FGFR1OP2: variants seen among roughly 807,000 people sequenced by gnomAD.
FGFR1OP2 encodes the protein FGFR1 oncogene partner 2, also known as fibroblast growth factor receptor 1 oncogene partner 2.
In FGFR1OP2, 17 loss-of-function variants were observed where a neutral mutation model predicts 35.2. The observed-to-expected ratio is 0.48, with a 90% confidence interval of 0.33 to 0.73. FGFR1OP2 has a LOEUF of 0.73. Among genes scored for constraint, FGFR1OP2 ranks in the 30% least tolerant of loss-of-function variants. The pLI, the probability that FGFR1OP2 is intolerant of heterozygous loss-of-function variation, is 0.02. For missense variants in FGFR1OP2, 251 were observed against 307.3 expected (o/e 0.82, Z 1.37); for synonymous variants, 105 against 104.6 (o/e 1.00, Z -0.03).
chr12:26,956,862 C>G (rs951203927), intron 3 of FGFR1OP2, among the ~76,000 whole-genome samples: 16 of 152,090 alleles, frequency 1.1e-4, no homozygotes, highest in Non-Finnish European at 2.4e-4. Context: ...ACTGCATTGG[C>G]CCCCAGATTA....
intron 1 of FGFR1OP2, among the ~76,000 whole-genome samples, chr12:26,950,210 G>GTTCT (rs1555211390): frequency 3.4e-5 from 1 of 29,744 alleles, no homozygotes; most frequent in Non-Finnish European, 5.7e-5. Context: ...TAATGTATTC[G>GTTCT]TTGTTTTTTT....
intron 2 of FGFR1OP2, among the ~76,000 whole-genome samples, chr12:26,955,328 T>C (rs12581929): frequency 0.061 from 9,230 of 152,330 alleles, 435 homozygotes; most frequent in East Asian, 0.2. Flanking sequence ...GTACATGTTC[T>C]ATTAAGATAT....
rs1220384385 is a variant in FGFR1OP2, at chr12:26,954,246, A to C, written c.88A>C (p.Ile30Leu). 1.9e-6 allele frequency: 3 copies of C among 1,612,418 alleles called. No homozygotes were observed. The highest frequency in any genetic ancestry group is 1.7e-5 in the Admixed American group (1 of 59,932). Reference protein sequence around the residue: ...RDHDDAAESLIEQTTALNKRV... With the variant: ...RDHDDAAESLLEQTTALNKRV... ...TCATGACGATGCAGCAGAATCTCTG[A>C]TTGAGCAAACCACAGCTCTCAACAA... is the stretch of plus-strand genomic sequence containing the variant. The change falls in exon 2 of 7, where the codon ATT becomes CTT. Residue 30 changes from isoleucine to leucine, a missense_variant. By Grantham distance (5) the Ile-to-Leu change is conservative. Transcript: ENST00000229395.
At chr12:26,956,376 T>A (rs1194340014) in intron 2 of FGFR1OP2, among the ~76,000 whole-genome samples, 167 bp from the exon 3 acceptor site, 1 of 151,610 alleles carries the variant, frequency 6.6e-6, no homozygotes, top group Non-Finnish European at 1.5e-5. Context: ...TGGGGTTATT[T>A]TCATTTTATT....
At chr12:26,962,725 T>C (rs1256943936) in intron 5 of FGFR1OP2, 1 of 152,254 alleles carries the variant, frequency 6.6e-6, no homozygotes, top group Admixed American at 6.5e-5. Flanking sequence ...ATGTCTGTAT[T>C]ATACTGATAC....
At chr12:26,959,025 TA>T (rs1592253351) in intron 4 of FGFR1OP2, among the ~76,000 whole-genome samples, 1 of 152,258 alleles carries the variant, frequency 6.6e-6, no homozygotes, top group East Asian at 1.9e-4. Flanking sequence ...TTCTTTAAAA[TA>T]CTTCTTCCAT....
chr12:26,962,172 T>A lies in FGFR1OP2; in HGVS notation c.511-1170T>A, dbSNP rs554754399. 7 of 152,350 alleles carry A rather than the reference T, an allele frequency of 4.6e-5. No homozygotes were observed. The East Asian group carries it at 1.3e-3, about 29-fold the overall frequency. 9.4% of individuals were successfully genotyped at this position (152,350 alleles called of 1,614,324 possible). ...TATTGATTTTAATTAAGTTTAACAT[T>A]GTTTTGGACAGCACAGATTAGCCTT... On this transcript the variant is annotated intron_variant, in intron 5 of 6. Coordinates refer to ENST00000229395, the MANE Select transcript of FGFR1OP2 (RefSeq NM_015633.3).
At chr12:26,960,483 C>T (rs766871807) in intron 4 of FGFR1OP2, 32 bp from the exon 5 acceptor site, 9 of 1,445,800 alleles carry the variant, frequency 6.2e-6, no homozygotes, top group East Asian at 2.3e-5. Flanking sequence ...GGATGATATC[C>T]GTATTAACAT....
intron 2 of FGFR1OP2, among the ~76,000 whole-genome samples, chr12:26,954,508 A>T (rs975252085): frequency 2.0e-5 from 3 of 152,208 alleles, no homozygotes; most frequent in Non-Finnish European, 4.4e-5. Context: ...TATTTTGCTG[A>T]CAGAGTTGCA....
intron 5 of FGFR1OP2, 37 bp downstream of exon 5, chr12:26,960,665 T>C (rs1404708389): frequency 1.3e-6 from 2 of 1,580,646 alleles, no homozygotes; most frequent in African/African-American, 1.3e-5. Context: ...GGGGTGTGGA[T>C]GGAAGGGGGG....
intron 1 of FGFR1OP2, among the ~76,000 whole-genome samples, chr12:26,947,628 G>A (rs906268079): frequency 5.3e-5 from 8 of 152,138 alleles, no homozygotes; most frequent in East Asian, 3.9e-4. Context: ...GCAATCCTCC[G>A]ATTTTGGCCT....
intron 1 of FGFR1OP2, among the ~76,000 whole-genome samples, chr12:26,953,910 G>A (rs1181938529): frequency 1.3e-5 from 2 of 152,110 alleles, no homozygotes; most frequent in Non-Finnish European, 2.9e-5. Flanking sequence ...TTCTAGTTCT[G>A]TCTGCAAATC....
At chr12:26,960,416 C>A in intron 4 of FGFR1OP2, 99 bp from the exon 5 acceptor site, 2 of 689,486 alleles carry the variant, frequency 2.9e-6, no homozygotes, top group Non-Finnish European at 2.1e-6. Flanking sequence ...AAAAAGCAAA[C>A]ATTTCAAACA....
At position 26,966,599 on chromosome 12, in the gene FGFR1OP2, G is replaced by A. The variant is rs533220620; in HGVS notation, c.*1866G>A. On this transcript the variant is annotated 3_prime_UTR_variant, in exon 7 of 7. Transcript: ENST00000229395. ...AACCTTAAGTTTATGTTTGAGGTAT[G>A]TACTGCATAGGAACCTATTTTATTA... The A allele has an allele frequency of 7.0e-6, 1 of 143,018 alleles. No individual in the cohort carries two copies. The highest frequency in any genetic ancestry group is 2.6e-5 in the African/African-American group (1 of 38,668). The allele number at this position is 143,018 out of a possible 1,614,324, so 8.9% of individuals were successfully genotyped here. A position where few individuals can be genotyped will look rare whatever the true frequency, so the allele number is the denominator to read the frequency against.
At chr12:26,956,479 CATAT>C (rs5797206) in intron 2 of FGFR1OP2, 60 bp from the exon 3 acceptor site, 1,901 of 240,368 alleles carry the variant, frequency 7.9e-3, no homozygotes, top group Middle Eastern at 0.014. Context: ...ATTTATATAT[CATAT>C]ATATATATAT....
rs1041341860 is a variant in FGFR1OP2 at position 26,945,302 on chromosome 12, A to G, written c.-15+6592A>G. 2.6e-5 allele frequency among the ~76,000 whole-genome samples: 4 copies of G among 152,126 alleles called. No homozygotes were observed. The South Asian group carries it at 8.3e-4, about 31-fold the overall frequency. ...CAGGTTCCTAAAGGTTGAGGCTTAC[A>G]TAATTGATTTGAGATCTTTCTAATT... is the stretch of plus-strand genomic sequence containing the variant. On this transcript the variant is annotated intron_variant, in intron 1 of 6. Transcript: ENST00000229395.
chr12:26,950,541 TA>T (rs1456866048), intron 1 of FGFR1OP2, among the ~76,000 whole-genome samples: 1 of 152,168 alleles, frequency 6.6e-6, no homozygotes, highest in Non-Finnish European at 1.5e-5. Context: ...TCATTGTTTT[TA>T]AAAGGATATC....
chr12:26,966,354 T>A lies in FGFR1OP2; in HGVS notation c.*1621T>A, dbSNP rs2136364151. ...CTAATAAAGGAAATCTATTTCAAGCTACACCATTGAGATTAAGTCTGAGGC... is the reference window on the plus strand; with the variant it reads ...CTAATAAAGGAAATCTATTTCAAGCAACACCATTGAGATTAAGTCTGAGGC... On this transcript the variant is annotated 3_prime_UTR_variant, in exon 7 of 7. Transcript: ENST00000229395. 6.6e-6 allele frequency: 1 copy of A among 152,284 alleles called. No homozygotes were observed. The highest frequency in any genetic ancestry group is 1.5e-5 in the Non-Finnish European group (1 of 67,996). The allele number at this position is 152,284 out of a possible 1,614,324, so 9.4% of individuals were successfully genotyped here.
At chr12:26,939,683 C>G (rs1405398117) in intron 1 of FGFR1OP2, among the ~76,000 whole-genome samples, 1 of 152,204 alleles carries the variant, frequency 6.6e-6, no homozygotes, top group South Asian at 2.1e-4. Context: ...AACTTTTCTT[C>G]TGCAGTATTT....
Sources: allele counts gnomAD v4.1 joint callset (sites outside exome capture counted in the v4.1 genomes callset), GRCh38; gene constraint gnomAD v4.1.1; transcripts MANE v1.5; gene names NCBI Gene and HGNC (gene_info 2026-07-23, HGNC 2026-07-21).